The following PRORP variants were observed in gnomAD, a reference collection of about 807,000 sequenced individuals.
PRORP encodes the protein mitochondrial ribonuclease P catalytic subunit.
Under a neutral mutation model 59.4 loss-of-function variants are expected in PRORP, and 51 were observed. The ratio of observed to expected loss-of-function variants is 0.86; its 90% CI spans 0.69 to 1.08. PRORP has a LOEUF of 1.08. PRORP is among the 50% of genes least tolerant of loss of function. The pLI is 0.00. For synonymous variants in PRORP, 231 were observed against 245.6 expected (o/e 0.94, Z 0.55); for missense variants, 646 against 690.3 (o/e 0.94, Z 0.72).
At chr14:35,207,995 C>A (rs188473618) in intron 5 of PRORP, among the ~76,000 whole-genome samples, 29 of 152,218 alleles carry the variant, frequency 1.9e-4, no homozygotes, top group African/African-American at 7.0e-4. Flanking sequence ...CCTAAAAATA[C>A]AAAAATTAGC....
chr14:35,133,517 TATTTAGTTC>T (rs1217486602), intron 4 of PRORP, among the ~76,000 whole-genome samples: 1 of 152,230 alleles, frequency 6.6e-6, no homozygotes, highest in Admixed American at 6.5e-5. Flanking sequence ...CCTGCTGCCT[TATTTAGTTC>T]ATTTTGTGAT....
At chr14:35,193,615 T>C (rs1016926667) in intron 5 of PRORP, among the ~76,000 whole-genome samples, 3 of 151,648 alleles carry the variant, frequency 2.0e-5, no homozygotes, top group Non-Finnish European at 2.9e-5. Context: ...TATTTTTGTG[T>C]GTATATAATC....
intron 4 of PRORP, among the ~76,000 whole-genome samples, chr14:35,156,140 G>T (rs1315078897): frequency 6.6e-6 from 1 of 152,218 alleles, no homozygotes; most frequent in African/African-American, 2.4e-5. Flanking sequence ...GGCAACTGCA[G>T]ATTAATTCTG....
In PRORP at chr14:35,277,439, GA is replaced by G. The variant is rs2051311644; in HGVS notation, c.*3874del. On this transcript the variant is annotated 3_prime_UTR_variant, in exon 8 of 8. Coordinates refer to ENST00000534898, the MANE Select transcript of PRORP (RefSeq NM_014672.4). Reference sequence around the variant, plus strand: ...TTAGGAGTGAGCAGAAAGGAAATAGGACCAGCTTTTACCTGCCCAGTCCTGG... The same window carrying G: ...TTAGGAGTGAGCAGAAAGGAAATAGGCCAGCTTTTACCTGCCCAGTCCTGG... 1.3e-5 allele frequency: 2 copies of G among 152,250 alleles called. No individual in the cohort carries two copies. The highest frequency in any genetic ancestry group is 2.9e-5 in the Non-Finnish European group (2 of 68,124). 9.4% of individuals were successfully genotyped at this position (152,250 alleles called of 1,614,324 possible).
chr14:35,228,174 A>C (rs2049984866), intron 5 of PRORP, among the ~76,000 whole-genome samples: 2 of 152,318 alleles, frequency 1.3e-5, no homozygotes, highest in South Asian at 4.1e-4. Flanking sequence ...ACTTAAAATC[A>C]TAAGTGCTAG....
intron 5 of PRORP, among the ~76,000 whole-genome samples, chr14:35,243,612 A>G (rs912906604): frequency 2.6e-5 from 4 of 152,120 alleles, no homozygotes; most frequent in African/African-American, 7.2e-5. Context: ...TGAGAGTTAT[A>G]TGCTACAAGA....
intron 5 of PRORP, among the ~76,000 whole-genome samples, chr14:35,246,630 G>A (rs1325144992): frequency 6.6e-6 from 1 of 152,130 alleles, no homozygotes; most frequent in Non-Finnish European, 1.5e-5. Context: ...TAAAGTCATT[G>A]TGGATTTGTG....
intron 4 of PRORP, chr14:35,158,462 T>C (rs2047975527): frequency 3.5e-6 from 1 of 284,796 alleles, no homozygotes; most frequent in Non-Finnish European, 7.1e-6. Context: ...AAATGGTCCT[T>C]CTTCTTTTTA....
chr14:35,131,097 C>T (rs980487029), intron 4 of PRORP, among the ~76,000 whole-genome samples: 1 of 151,882 alleles, frequency 6.6e-6, no homozygotes, highest in African/African-American at 2.4e-5. Flanking sequence ...CGTGCACCAC[C>T]AGACCTGGCT....
chr14:35,131,504 A>G (rs551543501), intron 4 of PRORP, among the ~76,000 whole-genome samples: 2 of 146,116 alleles, frequency 1.4e-5, no homozygotes, highest in Non-Finnish European at 3.0e-5. Context: ...ATTGTATGTT[A>G]TTTGTTTTTT....
chr14:35,235,831 C>T lies in PRORP; in HGVS notation c.1276-30896C>T, dbSNP rs1329933248. 9.2e-5 allele frequency among the ~76,000 whole-genome samples: 14 copies of T among 151,792 alleles called. No individual in the cohort carries two copies. In the South Asian group the frequency reaches 2.3e-3, roughly 25 times the overall value. On this transcript the variant is annotated intron_variant, in intron 5 of 7. Coordinates refer to ENST00000534898, the MANE Select transcript of PRORP (RefSeq NM_014672.4). The stretch of plus-strand genomic sequence containing the variant: ...CTGTGATCCCAGCATTTTGGGAGGC[C>T]GAGGTGGTGGATTGCTTGAGCTCAG...
At chr14:35,193,634 A>ATTTTTTTTT (rs34186766) in intron 5 of PRORP, among the ~76,000 whole-genome samples, 1 of 129,868 alleles carries the variant, frequency 7.7e-6, no homozygotes, top group Non-Finnish European at 1.7e-5. Context: ...TCCCGGGTGT[A>ATTTTTTTTT]TTTTTTTTTT....
At chr14:35,149,536 A>T (rs993091515) in intron 4 of PRORP, among the ~76,000 whole-genome samples, 1 of 151,900 alleles carries the variant, frequency 6.6e-6, no homozygotes, top group African/African-American at 2.4e-5. Flanking sequence ...TGTTATGGGG[A>T]TTGCTTATTT....
intron 5 of PRORP, among the ~76,000 whole-genome samples, chr14:35,199,377 T>A (rs2049090336): frequency 1.3e-5 from 2 of 151,880 alleles, no homozygotes; most frequent in South Asian, 4.2e-4. Flanking sequence ...CTTGCTATAG[T>A]TTGAATGTGT....
At chr14:35,182,023 G>A (rs1156511276) in intron 5 of PRORP, among the ~76,000 whole-genome samples, 1 of 152,008 alleles carries the variant, frequency 6.6e-6, no homozygotes, top group East Asian at 1.9e-4. Flanking sequence ...CAGCACTTTG[G>A]GAGGCTGAGG....
At chr14:35,165,111 G>A (rs368705599) in intron 4 of PRORP, among the ~76,000 whole-genome samples, 2 of 152,190 alleles carry the variant, frequency 1.3e-5, no homozygotes, top group Non-Finnish European at 2.9e-5. Flanking sequence ...TTTAGGCCCC[G>A]TGTGTAAACT....
At chr14:35,219,691 T>G (rs1367035592) in intron 5 of PRORP, among the ~76,000 whole-genome samples, 1 of 152,176 alleles carries the variant, frequency 6.6e-6, no homozygotes, top group Non-Finnish European at 1.5e-5. Flanking sequence ...ATTTATAACA[T>G]TGCTAGTTAA....
At chr14:35,132,756 C>T (rs2047279006) in intron 4 of PRORP, among the ~76,000 whole-genome samples, 1 of 145,644 alleles carries the variant, frequency 6.9e-6, no homozygotes, top group Non-Finnish European at 1.5e-5. Flanking sequence ...CACAGTACTC[C>T]AGCCTGGGCG....
chr14:35,130,030 C>CTTT (rs1180777805), intron 4 of PRORP, among the ~76,000 whole-genome samples: 18 of 129,916 alleles, frequency 1.4e-4, no homozygotes, highest in African/African-American at 2.6e-4. Context: ...TTTAGACTTT[C>CTTT]TTTTTTTTTT....
Sources: allele counts gnomAD v4.1 joint callset (sites outside exome capture counted in the v4.1 genomes callset), GRCh38; gene constraint gnomAD v4.1.1; transcripts MANE v1.5; gene names NCBI Gene and HGNC (gene_info 2026-07-23, HGNC 2026-07-21).